Variants in MAST4 observed in about 807,000 individuals in gnomAD.
The protein encoded by MAST4 is microtubule-associated serine/threonine-protein kinase 4.
MAST4 carries 89 observed loss-of-function variants against 162.7 expected under a neutral mutation model. That is an observed-to-expected ratio of 0.55 (90% CI 0.46 to 0.65). The LOEUF (loss-of-function observed/expected upper bound fraction) is 0.65. MAST4 is among the 30% of genes least tolerant of loss of function. The probability of loss-of-function intolerance (pLI) is 0.00; values close to 1 mark genes in which losing one functional copy is unlikely to be tolerated. For synonymous variants in MAST4, 1,479 were observed against 1,361.1 expected (o/e 1.09, Z -1.91); for missense variants, 3,153 against 3,374.0 (o/e 0.93, Z 1.62).
intron 2 of MAST4, among the ~76,000 whole-genome samples, chr5:66,776,588 T>G (rs1754611655): frequency 6.6e-6 from 1 of 152,158 alleles, no homozygotes. Context: ...AAACAAACAC[T>G]TGAGCCAAAC....
At chr5:67,148,228 GATGATTT>G (rs1258146330) in intron 23 of MAST4, among the ~76,000 whole-genome samples, 1 of 152,200 alleles carries the variant, frequency 6.6e-6, no homozygotes, top group Non-Finnish European at 1.5e-5. Flanking sequence ...TGAGACAGTT[GATGATTT>G]TTAAGCACAT....
intron 1 of MAST4, among the ~76,000 whole-genome samples, chr5:66,604,157 A>T (rs1030175757): frequency 6.6e-6 from 1 of 152,194 alleles, no homozygotes. Context: ...CATACTCTGA[A>T]GTCACATTTA....
chr5:67,028,812 A>G (rs1448717932), intron 4 of MAST4, among the ~76,000 whole-genome samples: 2 of 152,064 alleles, frequency 1.3e-5, no homozygotes, highest in Non-Finnish European at 1.5e-5. Context: ...ATGGAAGGCA[A>G]GAGAGTTCCA....
At chr5:67,028,007 C>A (rs979352038) in intron 4 of MAST4, among the ~76,000 whole-genome samples, 1 of 152,144 alleles carries the variant, frequency 6.6e-6, no homozygotes, top group Non-Finnish European at 1.5e-5. Context: ...CCTTCTTGAA[C>A]GCTTGCAGCT....
intron 3 of MAST4, among the ~76,000 whole-genome samples, chr5:66,875,971 T>G (rs1460820908): frequency 6.6e-6 from 1 of 152,176 alleles, no homozygotes; most frequent in East Asian, 1.9e-4. Context: ...CTTGCTATGT[T>G]GCCCAGAAAT....
At chr5:67,068,090 A>G (rs1013791826) in intron 5 of MAST4, among the ~76,000 whole-genome samples, 2 of 152,176 alleles carry the variant, frequency 1.3e-5, no homozygotes, top group East Asian at 1.9e-4. Context: ...CCTGGAATCT[A>G]TCCCTGAAGA....
intron 19 of MAST4, among the ~76,000 whole-genome samples, chr5:67,140,277 A>G (rs565305768): frequency 3.9e-5 from 6 of 152,220 alleles, no homozygotes; most frequent in Non-Finnish European, 8.8e-5. Flanking sequence ...TCCATGTTGG[A>G]TAGGGAAACA....
At chr5:66,942,621 C>T (rs1743488430) in intron 4 of MAST4, among the ~76,000 whole-genome samples, 1 of 151,956 alleles carries the variant, frequency 6.6e-6, no homozygotes, top group Non-Finnish European at 1.5e-5. Context: ...CATGTTGTAC[C>T]CTTCCAGATC....
At chr5:66,704,566 T>C (rs1272590279) in intron 1 of MAST4, among the ~76,000 whole-genome samples, 17 of 141,664 alleles carry the variant, frequency 1.2e-4, no homozygotes, top group African/African-American at 4.6e-4. Flanking sequence ...AGTGGCACGA[T>C]CTCGGCTCAC....
intron 4 of MAST4, among the ~76,000 whole-genome samples, chr5:66,923,913 G>T (rs960114925): frequency 6.6e-6 from 1 of 152,178 alleles, no homozygotes; most frequent in Non-Finnish European, 1.5e-5. Flanking sequence ...TGGCATTCAG[G>T]ACCGAAGGAG....
At chr5:66,614,613 A>G (rs1343278702) in intron 1 of MAST4, among the ~76,000 whole-genome samples, 3 of 152,202 alleles carry the variant, frequency 2.0e-5, no homozygotes, top group African/African-American at 7.2e-5. Context: ...GTTGCAGAAG[A>G]GAAGACCATT....
At chr5:67,086,090 C>T (rs1436627297) in intron 5 of MAST4, among the ~76,000 whole-genome samples, 1 of 152,176 alleles carries the variant, frequency 6.6e-6, no homozygotes, top group African/African-American at 2.4e-5. Flanking sequence ...GTGCAAATGT[C>T]ACAACTCATT....
At chr5:66,612,503 T>A (rs1252947068) in intron 1 of MAST4, among the ~76,000 whole-genome samples, 1 of 152,166 alleles carries the variant, frequency 6.6e-6, no homozygotes, top group Non-Finnish European at 1.5e-5. Flanking sequence ...CCTTGCTACT[T>A]GCAAAGGGCG....
intron 4 of MAST4, among the ~76,000 whole-genome samples, chr5:66,924,662 G>A (rs935899324): frequency 2.0e-5 from 3 of 151,962 alleles, no homozygotes; most frequent in African/African-American, 7.3e-5. Context: ...CAAAGTGGTG[G>A]GATTACAGGT....
chr5:66,644,852 G>C (rs900072671), intron 1 of MAST4, among the ~76,000 whole-genome samples: 1 of 150,204 alleles, frequency 6.7e-6, no homozygotes, highest in Admixed American at 6.7e-5. Context: ...GACTCTGACT[G>C]TGGTGGGTAT....
At chr5:67,117,831 C>G (rs1279644825) in intron 12 of MAST4, among the ~76,000 whole-genome samples, 2 of 151,966 alleles carry the variant, frequency 1.3e-5, no homozygotes, top group Non-Finnish European at 2.9e-5. Context: ...TTCAAGGATG[C>G]CTTCCAATGT....
chr5:67,127,965 TA>T (rs762270227), intron 14 of MAST4, among the ~76,000 whole-genome samples: 6 of 152,232 alleles, frequency 3.9e-5, no homozygotes, highest in African/African-American at 7.2e-5. Context: ...ACTTACAATA[TA>T]TTGTTTCTGT....
intron 3 of MAST4, among the ~76,000 whole-genome samples, chr5:66,810,530 C>G (rs1011687255): frequency 7.9e-5 from 12 of 152,282 alleles, no homozygotes; most frequent in Non-Finnish European, 1.6e-4. Flanking sequence ...GTGACCACAC[C>G]TACTGCAAGG....
intron 4 of MAST4, among the ~76,000 whole-genome samples, chr5:67,026,629 A>G (rs1754680152): frequency 6.7e-6 from 1 of 148,426 alleles, no homozygotes; most frequent in Non-Finnish European, 1.5e-5. Context: ...GTTGTTATGG[A>G]TCAATACATT....
Sources: gnomAD v4.1 joint callset for allele counts (sites outside exome capture counted in the v4.1 genomes callset) on GRCh38, gnomAD v4.1.1 for gene constraint, MANE v1.5 for transcripts, NCBI Gene and HGNC (gene_info 2026-07-23, HGNC 2026-07-21) for gene names.